The following THEMIS variants were observed in gnomAD, a reference collection of about 807,000 sequenced individuals.
The protein encoded by THEMIS is thymocyte selection associated.
THEMIS carries 37 observed loss-of-function variants against 52.6 expected under a neutral mutation model. The observed-to-expected ratio is 0.70, with a 90% confidence interval of 0.54 to 0.93. THEMIS has a LOEUF of 0.93. Ranked by LOEUF, THEMIS falls within the 40% of genes least tolerant of loss-of-function variation. The probability of loss-of-function intolerance (pLI) is 0.00; values close to 1 mark genes in which losing one functional copy is unlikely to be tolerated. For synonymous variants in THEMIS, 292 were observed against 272.7 expected, an observed-to-expected ratio of 1.07 and a Z score of -0.70; for missense variants, 808 against 763.1, an observed-to-expected ratio of 1.06 and a Z score of -0.69.
At chr6:127,826,126 C>A (rs991781946) in intron 3 of THEMIS, among the ~76,000 whole-genome samples, 13 of 151,956 alleles carry the variant, frequency 8.6e-5, no homozygotes, top group African/African-American at 3.1e-4. Context: ...GAGCAATATT[C>A]CTTTATTATT....
intron 4 of THEMIS, among the ~76,000 whole-genome samples, chr6:127,735,435 C>G (rs1402930121): frequency 1.3e-5 from 2 of 152,080 alleles, no homozygotes; most frequent in Non-Finnish European, 2.9e-5. Context: ...CAATGACTTT[C>G]AGTGAAAAGA....
intron 1 of THEMIS, among the ~76,000 whole-genome samples, chr6:127,877,032 T>C (rs451472): frequency 0.26 from 40,060 of 152,060 alleles, 5,863 homozygotes; most frequent in Middle Eastern, 0.4. Context: ...GTCTATTAAG[T>C]ATCCAATAGA....
upstream of THEMIS, among the ~76,000 whole-genome samples, chr6:127,905,833 A>G (rs528109570): frequency 1.9e-3 from 286 of 151,332 alleles, no homozygotes; most frequent in African/African-American, 6.4e-3. Flanking sequence ...TAAATGAATG[A>G]TAAAATTAAT....
intron 1 of THEMIS, among the ~76,000 whole-genome samples, chr6:127,907,851 ATTT>A (rs869216302): frequency 9.9e-6 from 1 of 100,668 alleles, no homozygotes; most frequent in Non-Finnish European, 2.1e-5. Flanking sequence ...ATTTTATTTT[ATTT>A]TTTTGAGATG....
At chr6:127,697,352 G>A in the THEMIS span, among the ~76,000 whole-genome samples, 6 of 152,106 alleles carry the variant, frequency 3.9e-5, no homozygotes, top group East Asian at 1.9e-4. Flanking sequence ...CCTGGATTCC[G>A]GCAACTGTCA....
chr6:127,896,698 G>C (rs1199301028), intron 1 of THEMIS, among the ~76,000 whole-genome samples: 1 of 151,518 alleles, frequency 6.6e-6, no homozygotes, highest in East Asian at 1.9e-4. Context: ...TAAAGCAGTA[G>C]TTATCAAATT....
intron 1 of THEMIS, among the ~76,000 whole-genome samples, chr6:127,916,873 A>T (rs1419675246): frequency 2.0e-5 from 3 of 152,222 alleles, no homozygotes; most frequent in Admixed American, 1.3e-4. Context: ...CTGGTGCAAA[A>T]GTTGTTGTAG....
At chr6:127,749,048 C>A (rs193179265) in intron 4 of THEMIS, among the ~76,000 whole-genome samples, 1 of 152,116 alleles carries the variant, frequency 6.6e-6, no homozygotes, top group African/African-American at 2.4e-5. Context: ...GTTTAACATT[C>A]CACAATTCTT....
intron 1 of THEMIS, among the ~76,000 whole-genome samples, chr6:127,876,163 G>A (rs960945700): frequency 3.3e-5 from 5 of 152,158 alleles, no homozygotes; most frequent in Admixed American, 1.3e-4. Context: ...AGAGTGGCAA[G>A]AGACACTACA....
chr6:127,807,901 A>C (rs933441295), intron 4 of THEMIS, among the ~76,000 whole-genome samples: 1 of 152,234 alleles, frequency 6.6e-6, no homozygotes, highest in Non-Finnish European at 1.5e-5. Context: ...ATTTAGCACC[A>C]GCAGCAGCTG....
At position 127,813,808 on chromosome 6, in the gene THEMIS, C is replaced by A; in HGVS notation, c.833G>T (p.Ser278Ile). 1 of 1,613,948 alleles carries A rather than the reference C, an allele frequency of 6.2e-7. No homozygotes were observed. The highest frequency in any genetic ancestry group is 8.5e-7 in the Non-Finnish European group (1 of 1,179,938). The change falls in exon 4 of 6, where the codon AGT (serine) becomes ATT (isoleucine). Residue 278 changes from serine to isoleucine, a missense_variant. Coordinates refer to ENST00000368248, the MANE Select transcript of THEMIS (RefSeq NM_001010923.3). The stretch of plus-strand genomic sequence containing the variant: ...TTCAGTCACTATGGGGAACTCTTTA[C>A]TAGTCATTTCAAAAAGATCTTCTGT... ...LSTEDLFEMT[S>I]KEFPIVTEVI...
intron 1 of THEMIS, among the ~76,000 whole-genome samples, chr6:127,908,130 A>G (rs1012537931): frequency 6.6e-6 from 1 of 152,124 alleles, no homozygotes; most frequent in African/African-American, 2.4e-5. Flanking sequence ...AACTCAATGT[A>G]GGATTCATGT....
At chr6:127,810,097 A>T (rs1249162716) in intron 4 of THEMIS, among the ~76,000 whole-genome samples, 1 of 152,032 alleles carries the variant, frequency 6.6e-6, no homozygotes, top group East Asian at 1.9e-4. Flanking sequence ...ACTTCAGTTT[A>T]GTAGTCTAGG....
At chr6:127,871,352 C>T (rs1034393721) in intron 1 of THEMIS, among the ~76,000 whole-genome samples, 1 of 151,684 alleles carries the variant, frequency 6.6e-6, no homozygotes, top group East Asian at 1.9e-4. Context: ...AATGAAAATA[C>T]AACATATCAA....
chr6:127,787,108 C>T (rs1336684156), intron 4 of THEMIS, among the ~76,000 whole-genome samples: 1 of 152,156 alleles, frequency 6.6e-6, no homozygotes, highest in Non-Finnish European at 1.5e-5. Context: ...AAAGCCATAT[C>T]AAAGAATCAG....
chr6:127,916,387 G>A (rs1287934930), intron 1 of THEMIS, among the ~76,000 whole-genome samples: 2 of 152,074 alleles, frequency 1.3e-5, no homozygotes, highest in Non-Finnish European at 2.9e-5. Context: ...ATTTTTGTTT[G>A]TGGTTCCTCC....
chr6:127,726,042 T>C (rs1010816266), intron 4 of THEMIS, among the ~76,000 whole-genome samples: 1 of 152,126 alleles, frequency 6.6e-6, no homozygotes, highest in Non-Finnish European at 1.5e-5. Flanking sequence ...TATTCAAATG[T>C]GACCTTGCTG....
At chr6:127,791,737 C>T (rs750555411) in intron 4 of THEMIS, among the ~76,000 whole-genome samples, 4 of 152,148 alleles carry the variant, frequency 2.6e-5, no homozygotes, top group Non-Finnish European at 4.4e-5. Context: ...ACCCTTAGCC[C>T]CCACCTCACC....
downstream of THEMIS, among the ~76,000 whole-genome samples, chr6:127,703,257 C>T (rs1460613554): frequency 3.3e-5 from 5 of 151,822 alleles, no homozygotes; most frequent in Admixed American, 6.6e-5. Flanking sequence ...CCGTTTTAGC[C>T]GGGATGGTCT....
Sources: allele counts gnomAD v4.1 joint callset (sites outside exome capture counted in the v4.1 genomes callset), GRCh38; gene constraint gnomAD v4.1.1; transcripts MANE v1.5; gene names NCBI Gene and HGNC (gene_info 2026-07-23, HGNC 2026-07-21).